Variants in C8orf34 observed in about 807,000 individuals in gnomAD.
C8orf34 encodes uncharacterized protein C8orf34.
In C8orf34, 65 loss-of-function variants were observed where a neutral mutation model predicts 68.3. The ratio of observed to expected loss-of-function variants is 0.95; its 90% CI spans 0.78 to 1.17. C8orf34 has a LOEUF of 1.17. Among genes scored for constraint, C8orf34 ranks in the 50% most tolerant of loss-of-function variants. The probability of loss-of-function intolerance (pLI) is 0.00; values close to 1 mark genes in which losing one functional copy is unlikely to be tolerated. For missense variants in C8orf34, 664 were observed against 655.4 expected (o/e 1.01, Z -0.14); for synonymous variants, 244 against 241.2 (o/e 1.01, Z -0.11).
intron 4 of C8orf34, among the ~76,000 whole-genome samples, chr8:68,472,127 A>G (rs1801001768): frequency 6.6e-6 from 1 of 152,120 alleles, no homozygotes; most frequent in Non-Finnish European, 1.5e-5. Context: ...TCTGCATGAT[A>G]TTGCTCTCTT....
chr8:68,582,139 C>G (rs1370415123), intron 7 of C8orf34, among the ~76,000 whole-genome samples: 3 of 152,106 alleles, frequency 2.0e-5, no homozygotes, highest in Non-Finnish European at 4.4e-5. Flanking sequence ...GACCCAGGAA[C>G]CTTCAGAATG....
chr8:68,667,637 A>G (rs1321803282), intron 8 of C8orf34, among the ~76,000 whole-genome samples: 4 of 152,192 alleles, frequency 2.6e-5, no homozygotes, highest in African/African-American at 9.6e-5. Context: ...GTCAATGACT[A>G]TAATTCCAAA....
At chr8:68,421,956 C>A (rs1197707364) in intron 1 of C8orf34, among the ~76,000 whole-genome samples, 1 of 152,148 alleles carries the variant, frequency 6.6e-6, no homozygotes, top group Non-Finnish European at 1.5e-5. Context: ...ACCATCAGAT[C>A]TTTTGAGACT....
intron 5 of C8orf34, among the ~76,000 whole-genome samples, chr8:68,503,128 A>G (rs1295941384): frequency 2.0e-5 from 3 of 152,222 alleles, no homozygotes; most frequent in Non-Finnish European, 2.9e-5. Flanking sequence ...AGAGAAATGT[A>G]AAAGACTGTC....
At chr8:68,590,053 G>A (rs996289844) in intron 7 of C8orf34, among the ~76,000 whole-genome samples, 1 of 143,910 alleles carries the variant, frequency 6.9e-6, no homozygotes, top group Admixed American at 7.1e-5. Flanking sequence ...GGGAAGGAGG[G>A]AGAAAACAAG....
intron 5 of C8orf34, among the ~76,000 whole-genome samples, chr8:68,495,274 A>AAT (rs142794937): frequency 0.011 from 1,654 of 148,864 alleles, 22 homozygotes; most frequent in African/African-American, 0.03. Flanking sequence ...ATGTAACAAT[A>AAT]ATATATATAT....
At chr8:68,402,423 A>G (rs1426016184) in intron 1 of C8orf34, among the ~76,000 whole-genome samples, 2 of 151,404 alleles carry the variant, frequency 1.3e-5, no homozygotes, top group Non-Finnish European at 2.9e-5. Context: ...TGCTCTGATC[A>G]TTGTTATTTG....
At chr8:68,543,706 A>G (rs1028366742) in intron 7 of C8orf34, among the ~76,000 whole-genome samples, 1 of 152,204 alleles carries the variant, frequency 6.6e-6, no homozygotes, top group African/African-American at 2.4e-5. Flanking sequence ...CCAAATTCAT[A>G]TTAATATTTT....
intron 10 of C8orf34, among the ~76,000 whole-genome samples, chr8:68,756,749 C>T (rs1053372591): frequency 1.2e-4 from 18 of 152,038 alleles, no homozygotes; most frequent in East Asian, 1.9e-4. Flanking sequence ...AATCTGTACA[C>T]GAAAACATGC....
intron 13 of C8orf34, among the ~76,000 whole-genome samples, chr8:68,817,067 T>G (rs1448958605): frequency 6.6e-6 from 1 of 152,182 alleles, no homozygotes; most frequent in East Asian, 1.9e-4. Context: ...GATTCATATT[T>G]AAAACCTATA....
chr8:68,430,463 A>G (rs926550448), intron 1 of C8orf34, among the ~76,000 whole-genome samples: 2 of 152,192 alleles, frequency 1.3e-5, no homozygotes, highest in African/African-American at 4.8e-5. Flanking sequence ...CTTATAGCCA[A>G]TTGGTCAGAA....
chr8:68,747,103 C>T (rs1822525598), intron 10 of C8orf34, among the ~76,000 whole-genome samples: 3 of 152,150 alleles, frequency 2.0e-5, no homozygotes, highest in South Asian at 4.2e-4. Context: ...TAAATGTAAT[C>T]CAGCATGTAA....
chr8:68,498,987 G>A (rs1813650034), intron 5 of C8orf34, among the ~76,000 whole-genome samples: 2 of 152,238 alleles, frequency 1.3e-5, no homozygotes, highest in African/African-American at 4.8e-5. Context: ...AGTGTATTGC[G>A]TGAAACTGAG....
At chr8:68,726,528 A>T (rs998551151) in intron 10 of C8orf34, among the ~76,000 whole-genome samples, 1 of 152,216 alleles carries the variant, frequency 6.6e-6, no homozygotes, top group African/African-American at 2.4e-5. Context: ...ACCTTGATAA[A>T]GTGTCTGCTG....
rs978042903 is a variant in C8orf34, at chr8:68,565,556, G to A, written c.1105+32407G>A. On this transcript the variant is annotated intron_variant, in intron 7 of 13. Transcript: ENST00000518698. ...AGGGAATGAGCATTTAAAAGACAAC[G>A]TAGGAATGCAGTGTGCCCTTTAGAA... Among the ~76,000 whole-genome samples the A allele has an allele frequency of 3.3e-5, 5 of 152,208 alleles. No individual in the cohort carries two copies. The South Asian group carries it at 8.3e-4, about 25-fold the overall frequency.
intron 1 of C8orf34, among the ~76,000 whole-genome samples, chr8:68,376,396 TAAG>T: frequency 6.6e-6 from 1 of 152,008 alleles, no homozygotes; most frequent in Admixed American, 6.6e-5. Flanking sequence ...AGGAATAACA[TAAG>T]AAGAATTCCC....
At chr8:68,359,788 A>G (rs1047305186) in intron 1 of C8orf34, among the ~76,000 whole-genome samples, 3 of 152,198 alleles carry the variant, frequency 2.0e-5, no homozygotes, top group African/African-American at 7.2e-5. Context: ...GGAATGAAAT[A>G]CCATAAGCAC....
At chr8:68,515,620 G>A (rs1814477851) in intron 5 of C8orf34, among the ~76,000 whole-genome samples, 1 of 152,058 alleles carries the variant, frequency 6.6e-6, no homozygotes, top group Admixed American at 6.6e-5. Context: ...TCATTAATAT[G>A]TTCTGAGTAA....
intron 7 of C8orf34, among the ~76,000 whole-genome samples, chr8:68,619,135 C>T (rs774752538): frequency 3.3e-5 from 5 of 151,954 alleles, no homozygotes; most frequent in Non-Finnish European, 7.4e-5. Context: ...TGAGACCAGC[C>T]TGGGCAACAT....
Sources: gnomAD v4.1 joint callset for allele counts (sites outside exome capture counted in the v4.1 genomes callset) on GRCh38, gnomAD v4.1.1 for gene constraint, MANE v1.5 for transcripts, NCBI Gene and HGNC (gene_info 2026-07-23, HGNC 2026-07-21) for gene names.